PRORP: variants seen among roughly 807,000 people sequenced by gnomAD.
The protein encoded by PRORP is protein only RNase P catalytic subunit, also known as mitochondrial ribonuclease P catalytic subunit.
Under a neutral mutation model 59.4 loss-of-function variants are expected in PRORP, and 51 were observed. The observed-to-expected ratio is 0.86, with a 90% CI of 0.69 to 1.08. PRORP has a LOEUF of 1.08. Ranked by LOEUF, PRORP falls within the 50% of genes least tolerant of loss-of-function variation. PRORP has a pLI of 0.00. For missense variants in PRORP, 646 were observed against 690.3 expected, an observed-to-expected ratio of 0.94 and a Z score of 0.72; for synonymous variants, 231 against 245.6, an observed-to-expected ratio of 0.94 and a Z score of 0.55.
chr14:35,255,006 G>A (rs766304753), intron 5 of PRORP, among the ~76,000 whole-genome samples: 9 of 152,046 alleles, frequency 5.9e-5, no homozygotes, highest in Non-Finnish European at 1.2e-4. Flanking sequence ...TGACTTCCCT[G>A]ACCACCCTCC....
At position 35,270,334 on chromosome 14, in the gene PRORP, G is replaced by A. The variant is rs148315087; in HGVS notation, c.1425-67G>A. The A allele has an allele frequency of 1.1e-3, 1,632 of 1,461,896 alleles. 24 individuals are homozygous for A. The South Asian group carries it at 0.011, about 10-fold the overall frequency. The allele number at this position is 1,461,896 out of a possible 1,614,324, so 90.6% of individuals were successfully genotyped here. On this transcript the variant is annotated intron_variant, in intron 6 of 7. Coordinates refer to ENST00000534898, the MANE Select transcript of PRORP (RefSeq NM_014672.4). ...TCCAAGGAAAGTAAGTAAAAAGTAC[G>A]GTGAAAAACACTGTCCTCTGCCTCT...
At chr14:35,253,301 T>TCCA (rs1426167507) in intron 5 of PRORP, among the ~76,000 whole-genome samples, 1 of 137,938 alleles carries the variant, frequency 7.2e-6, no homozygotes, top group African/African-American at 2.8e-5. Flanking sequence ...ACTGCAGTCC[T>TCCA]CCAGCCTGGG....
intron 5 of PRORP, among the ~76,000 whole-genome samples, chr14:35,201,755 T>A (rs111626119): frequency 6.6e-6 from 1 of 151,140 alleles, no homozygotes; most frequent in South Asian, 2.1e-4. Flanking sequence ...GCCTCCCAGT[T>A]TAAGTGATTC....
intron 5 of PRORP, among the ~76,000 whole-genome samples, chr14:35,224,584 T>G (rs17103111): frequency 0.049 from 7,385 of 152,252 alleles, 443 homozygotes; most frequent in African/African-American, 0.14. Flanking sequence ...CCTTAAACAC[T>G]AATTATGCAG....
chr14:35,122,017 C>G, upstream of PRORP: 1 of 1,593,570 alleles, frequency 6.3e-7, no homozygotes, highest in Non-Finnish European at 8.6e-7. Context: ...TCCACCCCTA[C>G]CAGCTCAGGC....
In PRORP at chr14:35,143,307, A is replaced by G. The variant is rs534993857; in HGVS notation, c.1167+15696A>G. Reference sequence around the variant, plus strand: ...CCCCCGAGTAGCTGGGATTACAGGCATATGCCACCACACCCGGCTAATTTT... The same window carrying G: ...CCCCCGAGTAGCTGGGATTACAGGCGTATGCCACCACACCCGGCTAATTTT... On this transcript the variant is annotated intron_variant, in intron 4 of 7. Coordinates refer to ENST00000534898, the MANE Select transcript of PRORP (RefSeq NM_014672.4). Among the ~76,000 whole-genome samples the G allele has an allele frequency of 9.0e-5, 13 of 144,192 alleles. 1 individual carries two copies. The South Asian group carries it at 1.1e-3, about 13-fold the overall frequency. 94.6% of individuals were successfully genotyped at this position (144,192 alleles called of 152,430 possible).
intron 5 of PRORP, among the ~76,000 whole-genome samples, chr14:35,247,161 G>A (rs760996638): frequency 9.2e-5 from 14 of 152,226 alleles, no homozygotes; most frequent in Middle Eastern, 3.4e-3. Flanking sequence ...TCTTAATTAT[G>A]ATTATTGAAC....
intron 4 of PRORP, among the ~76,000 whole-genome samples, chr14:35,169,484 A>G (rs998588834): frequency 8.9e-5 from 11 of 123,134 alleles, no homozygotes; most frequent in South Asian, 5.1e-4. Flanking sequence ...AAGGTTCTGC[A>G]TGGCTGGGGA....
At chr14:35,162,909 C>CG (rs2048096772) in intron 4 of PRORP, among the ~76,000 whole-genome samples, 2 of 152,080 alleles carry the variant, frequency 1.3e-5, no homozygotes, top group Non-Finnish European at 2.9e-5. Flanking sequence ...AGGGATAAAG[C>CG]GGGATGTTAC....
intron 4 of PRORP, among the ~76,000 whole-genome samples, chr14:35,148,623 CA>C (rs2047667157): frequency 6.6e-6 from 1 of 152,194 alleles, no homozygotes; most frequent in Non-Finnish European, 1.5e-5. Flanking sequence ...TAGCCCATAA[CA>C]AGAGAGTCAG....
intron 4 of PRORP, among the ~76,000 whole-genome samples, chr14:35,174,152 G>A (rs570882012): frequency 6.6e-6 from 1 of 151,714 alleles, no homozygotes; most frequent in East Asian, 1.9e-4. Context: ...AAAGCATAGG[G>A]TATTAGACAT....
intron 4 of PRORP, among the ~76,000 whole-genome samples, chr14:35,179,987 G>T (rs1173071320): frequency 6.6e-6 from 1 of 152,204 alleles, no homozygotes; most frequent in Admixed American, 6.6e-5. Context: ...GCTGGAGTTT[G>T]CTGGAGGTCC....
At chr14:35,211,084 C>A (rs1449975274) in intron 5 of PRORP, among the ~76,000 whole-genome samples, 2 of 152,008 alleles carry the variant, frequency 1.3e-5, no homozygotes, top group Non-Finnish European at 2.9e-5. Context: ...AAACAGTTTT[C>A]TTTAGTAAAG....
At chr14:35,221,151 C>T (rs1047251505) in intron 5 of PRORP, among the ~76,000 whole-genome samples, 4 of 152,130 alleles carry the variant, frequency 2.6e-5, no homozygotes, top group Non-Finnish European at 5.9e-5. Context: ...TAGGGGAGAA[C>T]GCAAGGTGGT....
chr14:35,189,288 G>A (rs1595271922), intron 5 of PRORP, among the ~76,000 whole-genome samples: 5 of 152,226 alleles, frequency 3.3e-5, no homozygotes, highest in Admixed American at 3.3e-4. Flanking sequence ...GTCCAGGCTA[G>A]TCTCAAACCC....
chr14:35,269,062 A>G (rs892109809), intron 6 of PRORP, among the ~76,000 whole-genome samples: 1 of 152,130 alleles, frequency 6.6e-6, no homozygotes, highest in Non-Finnish European at 1.5e-5. Context: ...GGTAGACAGT[A>G]AGATTGTAGG....
chr14:35,177,901 C>T (rs1301746203), intron 4 of PRORP, among the ~76,000 whole-genome samples: 2 of 152,026 alleles, frequency 1.3e-5, no homozygotes, highest in Admixed American at 6.6e-5. Context: ...AATTTCCCTC[C>T]ACACACTGCT....
chr14:35,237,413 TTTCTC>T (rs1169866889), intron 5 of PRORP, among the ~76,000 whole-genome samples: 1 of 151,784 alleles, frequency 6.6e-6, no homozygotes, highest in East Asian at 1.9e-4. Flanking sequence ...AATCCATTCT[TTTCTC>T]TTCTTCTTTT....
chr14:35,213,618 T>G (rs2049509131), intron 5 of PRORP, among the ~76,000 whole-genome samples: 1 of 152,160 alleles, frequency 6.6e-6, no homozygotes, highest in Admixed American at 6.5e-5. Context: ...CACTTAGTGG[T>G]CATCACAGGG....
Sources: gnomAD v4.1 joint callset for allele counts (sites outside exome capture counted in the v4.1 genomes callset) on GRCh38, gnomAD v4.1.1 for gene constraint, MANE v1.5 for transcripts, NCBI Gene and HGNC (gene_info 2026-07-23, HGNC 2026-07-21) for gene names.